NLGN4X: variants seen among roughly 807,000 people sequenced by gnomAD.
NLGN4X encodes the protein neuroligin 4 X-linked.
A neutral mutation model predicts 40.3 loss-of-function variants in NLGN4X; 3 were observed. The observed-to-expected ratio is 0.07, with a 90% CI of 0.03 to 0.19. NLGN4X has a LOEUF of 0.19. Ranked by LOEUF, NLGN4X falls within the 10% of genes least tolerant of loss-of-function variation. The probability of loss-of-function intolerance (pLI) is 1.00; values close to 1 mark genes in which losing one functional copy is unlikely to be tolerated. For missense variants in NLGN4X, 382 were observed against 708.3 expected (o/e 0.54, Z 5.23); for synonymous variants, 270 against 306.8 (o/e 0.88, Z 1.25).
At chrX:6,214,896 T>C (rs1023546025) in intron 1 of NLGN4X, among the ~76,000 whole-genome samples, 2 of 111,776 alleles carry the variant, frequency 1.8e-5, no homozygotes, top group Admixed American at 1.9e-4. Context: ...AATGTAAAAA[T>C]GCTGGGTTCT....
chrX:5,962,200 T>C (rs1381001362), intron 3 of NLGN4X, among the ~76,000 whole-genome samples: 2 of 112,215 alleles, frequency 1.8e-5, no homozygotes, highest in East Asian at 2.8e-4. Context: ...TATGTTTCCA[T>C]AAAAAGGGCT....
At chrX:5,972,695 TAC>T (rs1306125128) in intron 3 of NLGN4X, among the ~76,000 whole-genome samples, 1 of 94,868 alleles carries the variant, frequency 1.1e-5, no homozygotes, top group African/African-American at 4.0e-5. Context: ...TTACCATGTC[TAC>T]ACAAGGTCAG....
In NLGN4X at chrX:6,151,041, T is replaced by G. The variant is rs141573322; in HGVS notation, c.426A>C (p.Gln142His). The change falls in exon 2 of 6, where the codon CAA (glutamine) becomes CAC (histidine). Residue 142 changes from glutamine (Q) to histidine (H), a missense_variant. Physicochemically the swap from Gln to His is conservative, Grantham distance 24. Around this residue, in one of 5 missense-constraint regions of NLGN4X, gnomAD observed 115 missense variants for 149.6 expected, o/e 0.77. Transcript: ENST00000381095. ...TGTTTAAGTAAAGGCAGTCTTCATT[T>G]TGATCTTGAACATAGGTCATCAAAG... Reference protein sequence around the residue: ...LDTLMTYVQDQNEDCLYLNIY... With the variant: ...LDTLMTYVQDHNEDCLYLNIY... 1 of 1,212,139 alleles carries G rather than the reference T, an allele frequency of 8.2e-7. No individual in the cohort carries two copies. Among genetic ancestry groups the G allele is most frequent in the African/African-American group, 1.7e-5 (1 of 57,898 alleles).
chrX:5,956,644 T>C (rs1274494265), intron 3 of NLGN4X, among the ~76,000 whole-genome samples: 1 of 111,096 alleles, frequency 9.0e-6, no homozygotes, highest in African/African-American at 3.3e-5. Context: ...TCAAAATCTC[T>C]TGTCAGGGCG....
At chrX:6,011,967 A>G (rs1382890316) in intron 3 of NLGN4X, among the ~76,000 whole-genome samples, 2 of 112,278 alleles carry the variant, frequency 1.8e-5, no homozygotes, top group African/African-American at 6.5e-5. Context: ...TTAAAAGTCC[A>G]TGAGTCGTTT....
At chrX:6,129,133 C>T (rs1366308405) in intron 2 of NLGN4X, among the ~76,000 whole-genome samples, 1 of 111,895 alleles carries the variant, frequency 8.9e-6, no homozygotes, top group African/African-American at 3.2e-5. Context: ...TATAAAGTAC[C>T]ATGGCTGCAG....
At chrX:6,043,154 CACACAA>C (rs1410003466) in intron 2 of NLGN4X, among the ~76,000 whole-genome samples, 24 of 102,238 alleles carry the variant, frequency 2.3e-4, no homozygotes, top group African/African-American at 4.9e-4. Context: ...CACACACACA[CACACAA>C]ACACACGTAT....
intron 2 of NLGN4X, among the ~76,000 whole-genome samples, chrX:6,130,081 G>T (rs2039647659): frequency 9.2e-6 from 1 of 108,406 alleles, no homozygotes; most frequent in Non-Finnish European, 1.9e-5. Context: ...AGAGGTGGAG[G>T]TCTCGCTATG....
intron 2 of NLGN4X, among the ~76,000 whole-genome samples, chrX:6,071,555 G>A (rs972586138): frequency 1.8e-5 from 2 of 111,434 alleles, no homozygotes. Context: ...AGTTTCCTTC[G>A]GCTTCAGAAG....
intron 3 of NLGN4X, among the ~76,000 whole-genome samples, chrX:5,987,550 AT>A (rs780762037): frequency 2.9e-4 from 32 of 112,162 alleles, no homozygotes; most frequent in African/African-American, 1.0e-3. Context: ...CAAATGGATT[AT>A]TTTTTTTAAT....
At chrX:6,154,034 G>A (rs1022423521) in intron 1 of NLGN4X, among the ~76,000 whole-genome samples, 1 of 112,063 alleles carries the variant, frequency 8.9e-6, no homozygotes, top group Non-Finnish European at 1.9e-5. Flanking sequence ...AAAGCCCAGC[G>A]TTTCCCCATC....
chrX:5,966,597 T>C (rs1167917807), intron 3 of NLGN4X, among the ~76,000 whole-genome samples: 1 of 112,765 alleles, frequency 8.9e-6, no homozygotes, highest in African/African-American at 3.2e-5. Flanking sequence ...TTAGTAAGTA[T>C]ACTTAAAACT....
At chrX:6,083,173 T>C (rs1359565070) in intron 2 of NLGN4X, among the ~76,000 whole-genome samples, 1 of 100,535 alleles carries the variant, frequency 9.9e-6, no homozygotes, top group Non-Finnish European at 2.0e-5. Context: ...TTAGCCAGGA[T>C]GGTCTTGATC....
chrX:6,051,565 C>A (rs927623108), intron 2 of NLGN4X, among the ~76,000 whole-genome samples: 2 of 110,594 alleles, frequency 1.8e-5, no homozygotes, highest in African/African-American at 6.6e-5. Flanking sequence ...TAACCGGCAG[C>A]CCCCCAGAAA....
At chrX:6,226,699 G>A (rs1926375182) in intron 1 of NLGN4X, 1 of 119,088 alleles carries the variant, frequency 8.4e-6, no homozygotes, top group African/African-American at 3.2e-5. Flanking sequence ...GGGTGTCCAG[G>A]AGACTGACTG....
chrX:6,124,668 C>T (rs952597598), intron 2 of NLGN4X, among the ~76,000 whole-genome samples: 19 of 111,501 alleles, frequency 1.7e-4, no homozygotes, highest in African/African-American at 5.9e-4. Flanking sequence ...AGCAACAGAG[C>T]GAGACTCTGT....
intron 2 of NLGN4X, among the ~76,000 whole-genome samples, chrX:6,129,725 C>G (rs1432372136): frequency 2.7e-5 from 3 of 110,072 alleles, no homozygotes; most frequent in African/African-American, 9.9e-5. Flanking sequence ...CACAACAGGG[C>G]AGGTGGGAAT....
At chrX:6,182,055 G>C (rs1921510006) in intron 1 of NLGN4X, among the ~76,000 whole-genome samples, 1 of 111,784 alleles carries the variant, frequency 8.9e-6, no homozygotes, top group South Asian at 3.8e-4. Context: ...AAGGGAGGAA[G>C]GTAGCAATAA....
intron 2 of NLGN4X, among the ~76,000 whole-genome samples, chrX:6,049,222 CAGGAA>C (rs2037407552): frequency 2.8e-5 from 1 of 35,648 alleles, no homozygotes; most frequent in Non-Finnish European, 4.6e-5. Context: ...AGCTCCAGGC[CAGGAA>C]AGGGGAGGGG....
Sources: gnomAD v4.1 joint callset for allele counts (sites outside exome capture counted in the v4.1 genomes callset) on GRCh38, gnomAD v4.1.1 for gene constraint, gnomAD v4.1.1 regional missense constraint, MANE v1.5 for transcripts, NCBI Gene and HGNC (gene_info 2026-07-23, HGNC 2026-07-21) for gene names.